Variants in KLF12 observed in about 807,000 individuals in gnomAD.
KLF12 encodes the protein KLF transcription factor 12, also known as Krueppel-like factor 12.
A neutral mutation model predicts 37.8 loss-of-function variants in KLF12; 9 were observed. That is an observed-to-expected ratio of 0.24 (90% CI 0.14 to 0.42). The LOEUF (loss-of-function observed/expected upper bound fraction) is 0.42, where lower values mean the gene tolerates loss of function less well. KLF12 is among the 10% of genes least tolerant of loss of function. The pLI is 1.00. For missense variants in KLF12, 411 were observed against 516.0 expected (o/e 0.80, Z 1.97); for synonymous variants, 208 against 202.1 (o/e 1.03, Z -0.25).
chr13:74,190,538 A>G, the KLF12 span, among the ~76,000 whole-genome samples: 1 of 152,172 alleles, frequency 6.6e-6, no homozygotes, highest in Non-Finnish European at 1.5e-5. Context: ...TCTTCTGGCT[A>G]CTTAATTTCT....
intron 1 of KLF12, among the ~76,000 whole-genome samples, chr13:74,085,974 C>T (rs1875262541): frequency 6.6e-6 from 1 of 151,442 alleles, no homozygotes. Context: ...TTACTTTTAA[C>T]CTGCTTTATA....
At chr13:73,800,700 TTTAAA>T (rs1258059762) in intron 5 of KLF12, 5 of 152,078 alleles carry the variant, frequency 3.3e-5, no homozygotes, top group African/African-American at 1.2e-4. Flanking sequence ...TCTAGTTACT[TTTAAA>T]TTAGAGTTAA....
At chr13:74,028,893 G>A (rs1485435010) in intron 1 of KLF12, among the ~76,000 whole-genome samples, 2 of 151,880 alleles carry the variant, frequency 1.3e-5, no homozygotes, top group African/African-American at 4.8e-5. Context: ...TAGAGAAATA[G>A]CAGTAAAAAC....
At chr13:74,227,415 C>T in the KLF12 span, among the ~76,000 whole-genome samples, 5 of 152,196 alleles carry the variant, frequency 3.3e-5, no homozygotes, top group African/African-American at 1.2e-4. Context: ...TTGAATCATG[C>T]AGCCTCTTAC....
intron 7 of KLF12, among the ~76,000 whole-genome samples, chr13:73,701,046 T>C (rs1274318090): frequency 6.6e-6 from 1 of 152,208 alleles, no homozygotes; most frequent in Non-Finnish European, 1.5e-5. Context: ...TTTTTTGTCT[T>C]CTTTCCTTTA....
Position 74,017,321 on chromosome 13 carries a change from T to C in KLF12, c.-31-22268A>G, listed in dbSNP as rs185421331. On this transcript the variant is annotated intron_variant, in intron 1 of 7. Transcript: ENST00000377669. ...CACATAAGGTAGTTATGTGAACTTA[T>C]AAGTTATGTGAATTATCTCACAAAA... Among the ~76,000 whole-genome samples the C allele has an allele frequency of 4.2e-3, 615 of 144,992 alleles. 3 individuals carry two copies. Among genetic ancestry groups the C allele is most frequent in the African/African-American group, 0.013 (510 of 38,770 alleles).
At chr13:74,106,157 G>T (rs950849543) in intron 1 of KLF12, among the ~76,000 whole-genome samples, 2 of 152,058 alleles carry the variant, frequency 1.3e-5, no homozygotes, top group Non-Finnish European at 2.9e-5. Flanking sequence ...TCTATTAAAG[G>T]CTCCATGTAT....
chr13:74,102,681 T>C (rs1180649835), intron 1 of KLF12, among the ~76,000 whole-genome samples: 4 of 151,200 alleles, frequency 2.6e-5, no homozygotes, highest in South Asian at 2.1e-4. Context: ...CTGGGCAACA[T>C]AGTGAAACTC....
rs190931515 is a variant in KLF12, at chr13:73,929,999, C to T, written c.123+13982G>A. ...AAGATGTCAGGCAATCACAAAAGGC[C>T]ACTACACACCCTGATCACAAGCAGG... On this transcript the variant is annotated intron_variant, in intron 3 of 7. Transcript: ENST00000377669. 1.4e-4 allele frequency among the ~76,000 whole-genome samples: 21 copies of T among 152,270 alleles called. No homozygotes were observed. The East Asian group carries it at 3.7e-3, about 27-fold the overall frequency.
chr13:74,139,231 T>C, the KLF12 span, among the ~76,000 whole-genome samples: 26 of 152,376 alleles, frequency 1.7e-4, no homozygotes, highest in African/African-American at 6.3e-4. Context: ...CTTCAGGTTC[T>C]CACACCTTTC....
chr13:74,219,649 T>C, the KLF12 span, among the ~76,000 whole-genome samples: 1 of 152,224 alleles, frequency 6.6e-6, no homozygotes, highest in Non-Finnish European at 1.5e-5. Context: ...ATTTCTTTAA[T>C]GTGGGTCTTA....
intron 3 of KLF12, among the ~76,000 whole-genome samples, chr13:73,943,202 T>C (rs987952351): frequency 1.1e-4 from 16 of 152,222 alleles, no homozygotes; most frequent in Non-Finnish European, 2.2e-4. Context: ...TGTCCTTCTA[T>C]CAGTCACCTG....
the KLF12 span, among the ~76,000 whole-genome samples, chr13:74,168,081 C>T: frequency 6.6e-6 from 1 of 152,134 alleles, no homozygotes; most frequent in Non-Finnish European, 1.5e-5. Flanking sequence ...CTTTCATTTC[C>T]TATATAAATT....
chr13:74,262,909 G>A, the KLF12 span, among the ~76,000 whole-genome samples: 5 of 151,972 alleles, frequency 3.3e-5, no homozygotes, highest in Non-Finnish European at 5.9e-5. Context: ...ATATGCATTC[G>A]TAATTTTTTA....
At position 74,085,070 on chromosome 13, in the gene KLF12, T is replaced by C. The variant is rs944383289; in HGVS notation, c.-32+48669A>G. Among the ~76,000 whole-genome samples the C allele has an allele frequency of 2.8e-4, 42 of 152,110 alleles. 1 individual carries two copies. Among genetic ancestry groups the C allele is most frequent in the Non-Finnish European group, 2.8e-4 (19 of 68,014 alleles). ...AGCCAAGGGAAAGAATGGAGTTAGA[T>C]GACCACGTGAAAGAAGAATGAGACA... On this transcript the variant is annotated intron_variant, in intron 1 of 7. Coordinates refer to ENST00000377669, the MANE Select transcript of KLF12 (RefSeq NM_007249.5).
At chr13:73,910,336 A>G (rs1888508422) in intron 3 of KLF12, among the ~76,000 whole-genome samples, 1 of 152,204 alleles carries the variant, frequency 6.6e-6, no homozygotes. Context: ...TCCTGCTTTT[A>G]GAACTCACGT....
At chr13:73,738,128 C>CATATATGTATGTGT (rs1566331419) in intron 6 of KLF12, among the ~76,000 whole-genome samples, 9 of 67,608 alleles carry the variant, frequency 1.3e-4, no homozygotes, top group African/African-American at 7.2e-4. Flanking sequence ...TATATATACA[C>CATATATGTATGTGT]ACACACACAT....
chr13:73,845,929 C>T lies in KLF12; in HGVS notation c.568G>A (p.Val190Ile), dbSNP rs1359526637. 1.9e-6 allele frequency: 3 copies of T among 1,614,026 alleles called. No individual in the cohort carries two copies. Among genetic ancestry groups the T allele is most frequent in the Non-Finnish European group, 2.5e-6 (3 of 1,179,886 alleles). Residue 190 changes from valine (V) to isoleucine (I), a missense_variant, in exon 4 of 8, where the codon GTA becomes ATA. Coordinates refer to ENST00000377669, the MANE Select transcript of KLF12 (RefSeq NM_007249.5). The stretch of plus-strand genomic sequence containing the variant: ...GTGTAGACAACAGGCACCGACTGTA[C>T]CACCACGGGGATGCGGTGAACATGA...
chr13:73,794,706 TGTCA>T (rs1287598496), intron 5 of KLF12, among the ~76,000 whole-genome samples: 1 of 152,198 alleles, frequency 6.6e-6, no homozygotes, highest in African/African-American at 2.4e-5. Flanking sequence ...CCTTCCCAGC[TGTCA>T]GTGTGTCATT....
Sources: allele counts gnomAD v4.1 joint callset (sites outside exome capture counted in the v4.1 genomes callset), GRCh38; gene constraint gnomAD v4.1.1; transcripts MANE v1.5; gene names NCBI Gene and HGNC (gene_info 2026-07-23, HGNC 2026-07-21).